MYO1E: variants seen among roughly 807,000 people sequenced by gnomAD.
The protein encoded by MYO1E is unconventional myosin-Ie.
MYO1E carries 68 observed loss-of-function variants against 151.1 expected under a neutral mutation model. The observed-to-expected ratio is 0.45, with a 90% CI of 0.37 to 0.55. MYO1E has a LOEUF of 0.55. Ranked by LOEUF, MYO1E falls within the 20% of genes least tolerant of loss-of-function variation. The pLI is 0.00. For missense variants in MYO1E, 1,363 were observed against 1,389.3 expected, an observed-to-expected ratio of 0.98 and a Z score of 0.30; for synonymous variants, 601 against 501.7, an observed-to-expected ratio of 1.20 and a Z score of -2.64.
chr15:59,321,172 C>CA (rs2080623487), intron 1 of MYO1E, among the ~76,000 whole-genome samples: 2 of 152,050 alleles, frequency 1.3e-5, no homozygotes, highest in Admixed American at 6.6e-5. Flanking sequence ...ATTAGAAAGT[C>CA]AAAAAACAAC....
intron 7 of MYO1E, among the ~76,000 whole-genome samples, chr15:59,225,925 C>T (rs749110060): frequency 2.0e-5 from 3 of 152,128 alleles, no homozygotes; most frequent in Non-Finnish European, 2.9e-5. Context: ...GGATTACAGG[C>T]GTGAGCCACC....
intron 3 of MYO1E, among the ~76,000 whole-genome samples, chr15:59,256,799 C>G (rs1275577409): frequency 6.6e-6 from 1 of 152,178 alleles, no homozygotes; most frequent in East Asian, 1.9e-4. Flanking sequence ...CTGACTTCTA[C>G]CAGAATTCTA....
intron 18 of MYO1E, among the ~76,000 whole-genome samples, chr15:59,185,302 C>G (rs1161780273): frequency 6.6e-6 from 1 of 152,106 alleles, no homozygotes; most frequent in African/African-American, 2.4e-5. Flanking sequence ...GAGTCTCACT[C>G]TGTCGCCCAG....
chr15:59,347,754 A>AT (rs1197474241), intron 1 of MYO1E, among the ~76,000 whole-genome samples: 2 of 152,148 alleles, frequency 1.3e-5, no homozygotes, highest in Admixed American at 1.3e-4. Flanking sequence ...TGAATAAATT[A>AT]TTTTTAAGAC....
intron 22 of MYO1E, among the ~76,000 whole-genome samples, chr15:59,164,853 T>G (rs2079555598): frequency 6.6e-6 from 1 of 152,186 alleles, no homozygotes; most frequent in Non-Finnish European, 1.5e-5. Flanking sequence ...TGGTCTGATG[T>G]TGAAACTCAT....
intron 3 of MYO1E, among the ~76,000 whole-genome samples, chr15:59,258,785 A>C (rs1174812936): frequency 4.0e-5 from 6 of 151,560 alleles, no homozygotes; most frequent in Non-Finnish European, 7.4e-5. Flanking sequence ...TGAGTCCTGG[A>C]GGTGGAGGTT....
chr15:59,355,097 CA>C (rs1239855767), intron 1 of MYO1E, among the ~76,000 whole-genome samples: 1 of 152,188 alleles, frequency 6.6e-6, no homozygotes, highest in Non-Finnish European at 1.5e-5. Context: ...GTCCTCTGGG[CA>C]CTTTTGGTCT....
At chr15:59,143,413 G>C (rs1297156661) in intron 26 of MYO1E, among the ~76,000 whole-genome samples, 1 of 152,198 alleles carries the variant, frequency 6.6e-6, no homozygotes, top group African/African-American at 2.4e-5. Context: ...GGGCAACACT[G>C]ATGCTGCCAC....
At chr15:59,277,560 A>ACAACAACAACAACAAC (rs1365243339) in intron 1 of MYO1E, among the ~76,000 whole-genome samples, 3 of 126,712 alleles carry the variant, frequency 2.4e-5, no homozygotes, top group Non-Finnish European at 4.9e-5. Flanking sequence ...AAAAAAAAAA[A>ACAACAACAACAACAAC]AAAAAAAAAA....
chr15:59,202,989 T>C (rs1276651263), intron 15 of MYO1E, among the ~76,000 whole-genome samples: 3 of 152,200 alleles, frequency 2.0e-5, no homozygotes, highest in Admixed American at 6.5e-5. Context: ...CAAGAGGTGC[T>C]CCTGCCTCAG....
chr15:59,311,237 G>C (rs2080549698), intron 1 of MYO1E, among the ~76,000 whole-genome samples: 1 of 152,098 alleles, frequency 6.6e-6, no homozygotes, highest in Non-Finnish European at 1.5e-5. Context: ...TTCCATGACA[G>C]TCATAGGAGT....
rs189383246 is a variant in MYO1E, at chr15:59,233,978, A to C, written c.421-2187T>G. Reference sequence around the variant, plus strand: ...TTGGGTTAAATAATACTGTTTTAAAAAGTAATTTCCTTTTTCTCTTTTTAC... The same window carrying C: ...TTGGGTTAAATAATACTGTTTTAAACAGTAATTTCCTTTTTCTCTTTTTAC... On this transcript the variant is annotated intron_variant, in intron 5 of 27. Transcript: ENST00000288235. 3.9e-5 allele frequency among the ~76,000 whole-genome samples: 6 copies of C among 152,310 alleles called. No homozygotes were observed. In the East Asian group the frequency reaches 1.2e-3, roughly 29 times the overall value.
intron 4 of MYO1E, among the ~76,000 whole-genome samples, chr15:59,240,524 T>C (rs1430376932): frequency 6.6e-6 from 1 of 152,262 alleles, no homozygotes; most frequent in African/African-American, 2.4e-5. Flanking sequence ...AGAAAGGTTA[T>C]TCCTCACTTA....
intron 1 of MYO1E, among the ~76,000 whole-genome samples, chr15:59,326,250 T>C (rs1332926652): frequency 6.6e-6 from 1 of 151,736 alleles, no homozygotes; most frequent in Non-Finnish European, 1.5e-5. Context: ...ACGGGCATGG[T>C]GGCTCACGCC....
intron 22 of MYO1E, among the ~76,000 whole-genome samples, 168 bp downstream of exon 22, chr15:59,171,729 C>T (rs2079595871): frequency 6.6e-6 from 1 of 152,194 alleles, no homozygotes; most frequent in African/African-American, 2.4e-5. Flanking sequence ...TCAAGACTTG[C>T]TGAGACTAGG....
chr15:59,304,727 C>A (rs1254305956), intron 1 of MYO1E, among the ~76,000 whole-genome samples: 1 of 152,190 alleles, frequency 6.6e-6, no homozygotes, highest in East Asian at 1.9e-4. Flanking sequence ...AAATTACCCT[C>A]CCTAGTACAG....
chr15:59,263,958 G>C (rs1400894971), intron 2 of MYO1E, among the ~76,000 whole-genome samples: 1 of 152,144 alleles, frequency 6.6e-6, no homozygotes, highest in African/African-American at 2.4e-5. Flanking sequence ...CCGTAGCCAA[G>C]ACTCAATAAG....
intron 6 of MYO1E, 130 bp downstream of exon 6, chr15:59,231,571 AG>A (rs1284005899): frequency 3.7e-5 from 36 of 980,790 alleles, no homozygotes; most frequent in Non-Finnish European, 5.0e-5. Context: ...TAGAAAATGA[AG>A]GAAAGATCGA....
intron 12 of MYO1E, among the ~76,000 whole-genome samples, chr15:59,213,070 TG>T (rs1450059310): frequency 6.6e-6 from 1 of 152,134 alleles, no homozygotes; most frequent in Admixed American, 6.5e-5. Flanking sequence ...TGCTTTGTTA[TG>T]GTGGCCCCAG....
Sources: allele counts gnomAD v4.1 joint callset (sites outside exome capture counted in the v4.1 genomes callset), GRCh38; gene constraint gnomAD v4.1.1; transcripts MANE v1.5; gene names NCBI Gene and HGNC (gene_info 2026-07-23, HGNC 2026-07-21).